The following CUX1 variants were observed in gnomAD, a reference collection of about 807,000 sequenced individuals.
CUX1 encodes cut like homeobox 1, also known as protein CASP.
CUX1 carries 31 observed loss-of-function variants against 158.8 expected under a neutral mutation model. The observed-to-expected ratio is 0.20, with a 90% CI of 0.15 to 0.26. The LOEUF (loss-of-function observed/expected upper bound fraction) is 0.26. CUX1 is among the 10% of genes least tolerant of loss of function. The pLI, the probability that CUX1 is intolerant of heterozygous loss-of-function variation, is 1.00. For synonymous variants in CUX1, 879 were observed against 862.1 expected, an observed-to-expected ratio of 1.02 and a Z score of -0.34; for missense variants, 1,589 against 2,014.6, an observed-to-expected ratio of 0.79 and a Z score of 4.04.
chr7:101,985,152 G>C (rs1435059143), intron 2 of CUX1, among the ~76,000 whole-genome samples: 1 of 152,172 alleles, frequency 6.6e-6, no homozygotes, highest in Non-Finnish European at 1.5e-5. Flanking sequence ...TGCCCTCTGA[G>C]GATTGTAATA....
intron 11 of CUX1, among the ~76,000 whole-genome samples, chr7:102,181,101 C>A (rs1225015233): frequency 1.3e-5 from 2 of 151,864 alleles, no homozygotes; most frequent in African/African-American, 4.8e-5. Flanking sequence ...GCCACCACTT[C>A]CGGATAATTT....
rs186416562 is a variant in CUX1, at chr7:101,915,962, C to T, written c.31-153C>T. 3.9e-5 allele frequency among the ~76,000 whole-genome samples: 6 copies of T among 152,124 alleles called. No individual in the cohort carries two copies. In the East Asian group the frequency reaches 9.7e-4, roughly 25 times the overall value. On this transcript the variant is annotated intron_variant, in intron 1 of 23. Transcript: ENST00000292535. ...GATAATGTTCATTTCTCTGCCTTCC[C>T]GCCACCCTCCAGCCCCTCCTCTGCC...
chr7:101,829,067 G>A (rs1022313867), intron 1 of CUX1, among the ~76,000 whole-genome samples: 2 of 152,268 alleles, frequency 1.3e-5, no homozygotes, highest in African/African-American at 4.8e-5. Context: ...GTTGAAACCT[G>A]GAGTTTGAAG....
Position 102,255,710 on chromosome 7 carries a change from CGGAA to C in CUX1, c.*6670_*6673del. 1 of 985,368 alleles carries C rather than the reference CGGAA, an allele frequency of 1.0e-6. No individual in the cohort carries two copies. The highest frequency in any genetic ancestry group is 1.7e-5 in the African/African-American group (1 of 57,346). 61.0% of individuals were successfully genotyped at this position (985,368 alleles called of 1,614,324 possible). ...AAATTAATCAGAAGCACAGTGTGTA[CGGAA>C]GCATTGGGACTTCTGCTGGTGAAAC... On this transcript the variant is annotated 3_prime_UTR_variant, in exon 24 of 24. Coordinates refer to ENST00000292535, the MANE Select transcript of CUX1 (RefSeq NM_181552.4).
At chr7:102,214,424 T>G (rs776090027) in intron 20 of CUX1, among the ~76,000 whole-genome samples, 5 of 152,216 alleles carry the variant, frequency 3.3e-5, no homozygotes, top group Non-Finnish European at 7.3e-5. Context: ...CTCAGGAGGC[T>G]GAGGCAGGAG....
intron 20 of CUX1, among the ~76,000 whole-genome samples, chr7:102,209,749 T>G (rs1796345941): frequency 6.6e-6 from 1 of 152,198 alleles, no homozygotes; most frequent in Admixed American, 6.5e-5. Flanking sequence ...CCAGGCTTCA[T>G]CCCTCATTTC....
chr7:102,033,227 T>A (rs1343661036), intron 3 of CUX1, among the ~76,000 whole-genome samples: 1 of 152,088 alleles, frequency 6.6e-6, no homozygotes, highest in Non-Finnish European at 1.5e-5. Context: ...GCCAGGAGGA[T>A]CATCTGAGGC....
At chr7:101,986,044 G>T (rs750356396) in intron 2 of CUX1, among the ~76,000 whole-genome samples, 4 of 152,224 alleles carry the variant, frequency 2.6e-5, no homozygotes, top group African/African-American at 4.8e-5. Context: ...GACCTGGGCT[G>T]CCCCAGATCT....
intron 11 of CUX1, among the ~76,000 whole-genome samples, chr7:102,185,782 G>A (rs1237949030): frequency 6.6e-6 from 1 of 152,024 alleles, no homozygotes; most frequent in Non-Finnish European, 1.5e-5. Context: ...TTTGCAGAGA[G>A]CCCCCGGCTC....
intron 9 of CUX1, among the ~76,000 whole-genome samples, chr7:102,164,430 A>G (rs1790791112): frequency 6.6e-6 from 1 of 152,206 alleles, no homozygotes; most frequent in African/African-American, 2.4e-5. Context: ...GCGCAGTGGC[A>G]TGTTCTCCTA....
chr7:102,026,945 A>G (rs1385811258), intron 2 of CUX1, among the ~76,000 whole-genome samples: 1 of 152,114 alleles, frequency 6.6e-6, no homozygotes, highest in African/African-American at 2.4e-5. Context: ...TTTTAAATAA[A>G]ATGCTCTGAA....
intron 3 of CUX1, among the ~76,000 whole-genome samples, chr7:102,059,704 C>T (rs1416394181): frequency 6.6e-6 from 1 of 151,942 alleles, no homozygotes; most frequent in African/African-American, 2.4e-5. Context: ...GGACAGCATC[C>T]GACTCAGTCT....
chr7:102,170,681 G>A (rs1297055586), intron 10 of CUX1, 131 bp downstream of exon 10: 1 of 637,608 alleles, frequency 1.6e-6, no homozygotes, highest in Non-Finnish European at 2.7e-6. Context: ...TGCTTTCTCG[G>A]TGGGGTTTGC....
At chr7:101,953,638 G>A (rs913563026) in intron 2 of CUX1, among the ~76,000 whole-genome samples, 37 of 152,132 alleles carry the variant, frequency 2.4e-4, no homozygotes, top group South Asian at 2.1e-4. Flanking sequence ...TATTAAAGGC[G>A]GAGGAATAAG....
chr7:102,252,630 G>T lies in CUX1; in HGVS notation c.*3588G>T. 1.0e-6 allele frequency: 1 copy of T among 985,368 alleles called. No individual in the cohort carries two copies. The highest frequency in any genetic ancestry group is 1.2e-6 in the Non-Finnish European group (1 of 829,940). The allele number at this position is 985,368 out of a possible 1,614,324, so 61.0% of individuals were successfully genotyped here. On this transcript the variant is annotated 3_prime_UTR_variant, in exon 24 of 24. Coordinates refer to ENST00000292535, the MANE Select transcript of CUX1 (RefSeq NM_181552.4). The stretch of plus-strand genomic sequence containing the variant: ...ATTTAGCCTCTTGACCCGGAGTTCC[G>T]GCCCAAGCTCCCTTGTGATAGCCGA...
chr7:102,249,803 A>G lies in CUX1; in HGVS notation c.*761A>G. The G allele has an allele frequency of 1.0e-6, 1 of 985,824 alleles. No individual in the cohort carries two copies. The highest frequency in any genetic ancestry group is 4.7e-5 in the South Asian group (1 of 21,292). The allele number at this position is 985,824 out of a possible 1,614,324, so 61.1% of individuals were successfully genotyped here. ...TAGTTTGGATTCCTAAATATTTTCAAGAAAAGAATCTTCTCGTTTGAAACT... is the reference window on the plus strand; with the variant it reads ...TAGTTTGGATTCCTAAATATTTTCAGGAAAAGAATCTTCTCGTTTGAAACT... On this transcript the variant is annotated 3_prime_UTR_variant, in exon 24 of 24. Coordinates refer to ENST00000292535, the MANE Select transcript of CUX1 (RefSeq NM_181552.4).
At chr7:102,133,883 G>A (rs372845953) in intron 8 of CUX1, among the ~76,000 whole-genome samples, 17 of 152,268 alleles carry the variant, frequency 1.1e-4, no homozygotes, top group South Asian at 6.2e-4. Context: ...ACCTCGTTGC[G>A]AGTGGAAATC....
intron 9 of CUX1, chr7:102,161,330 AGAGT>A (rs1790410987): frequency 6.6e-6 from 1 of 152,330 alleles, no homozygotes; most frequent in African/African-American, 2.4e-5. Flanking sequence ...CCTAGGTGAC[AGAGT>A]GAGACCCTAT....
chr7:101,921,525 A>G (rs1263649478), intron 2 of CUX1, among the ~76,000 whole-genome samples: 2 of 152,016 alleles, frequency 1.3e-5, no homozygotes, highest in Admixed American at 6.6e-5. Flanking sequence ...CAGTGGCGCC[A>G]TCTCTGCTCA....
Sources: gnomAD v4.1 joint callset for allele counts (sites outside exome capture counted in the v4.1 genomes callset) on GRCh38, gnomAD v4.1.1 for gene constraint, MANE v1.5 for transcripts, NCBI Gene and HGNC (gene_info 2026-07-23, HGNC 2026-07-21) for gene names.